Variants in STK3 observed in about 807,000 individuals in gnomAD.
STK3 encodes the protein serine/threonine-protein kinase 3.
Under a neutral mutation model 58.0 loss-of-function variants are expected in STK3, and 41 were observed. That is an observed-to-expected ratio of 0.71 (90% CI 0.55 to 0.92). STK3 has a LOEUF of 0.92. STK3 is among the 40% of genes least tolerant of loss of function. STK3 has a pLI of 0.00. For missense variants in STK3, 479 were observed against 602.7 expected (o/e 0.79, Z 2.15); for synonymous variants, 170 against 191.0 (o/e 0.89, Z 0.91).
At chr8:98,897,304 T>A (rs1234472221) in intron 1 of STK3, among the ~76,000 whole-genome samples, 1 of 152,200 alleles carries the variant, frequency 6.6e-6, no homozygotes, top group Non-Finnish European at 1.5e-5. Context: ...ACGCCTGTAA[T>A]CCTAGCACTT....
intron 1 of STK3, among the ~76,000 whole-genome samples, chr8:98,923,008 T>C (rs1839629939): frequency 6.6e-6 from 1 of 152,232 alleles, no homozygotes; most frequent in South Asian, 2.1e-4. Context: ...TCTGGCTGTT[T>C]GCTGACCTCA....
chr8:98,884,818 A>G (rs1191000755), intron 1 of STK3, among the ~76,000 whole-genome samples: 2 of 152,360 alleles, frequency 1.3e-5, no homozygotes, highest in East Asian at 3.9e-4. Context: ...GGTCACCATT[A>G]TATTCCCAGT....
intron 1 of STK3, among the ~76,000 whole-genome samples, chr8:98,810,451 TTAA>T (rs1564023375): frequency 6.6e-6 from 1 of 152,138 alleles, no homozygotes; most frequent in Non-Finnish European, 1.5e-5. Flanking sequence ...GTTTTTTTTT[TTAA>T]TAATAGTCAT....
intron 7 of STK3, among the ~76,000 whole-genome samples, chr8:98,586,034 A>G (rs1052604855): frequency 6.6e-6 from 1 of 152,186 alleles, no homozygotes; most frequent in Admixed American, 6.5e-5. Context: ...CAATCATGTC[A>G]TCAGCAGACA....
chr8:98,739,520 C>T (rs539850167), intron 4 of STK3, among the ~76,000 whole-genome samples: 1 of 149,594 alleles, frequency 6.7e-6, no homozygotes, highest in South Asian at 2.1e-4. Context: ...TCCAACACAC[C>T]TGCAGCTGAG....
intron 2 of STK3, among the ~76,000 whole-genome samples, chr8:98,434,714 AG>A (rs1818423109): frequency 1.3e-5 from 2 of 152,196 alleles, no homozygotes; most frequent in Non-Finnish European, 2.9e-5. Context: ...AAGAGATACA[AG>A]AGAAGGGGAG....
At chr8:98,820,244 AAAAT>A (rs1834802602) in intron 1 of STK3, among the ~76,000 whole-genome samples, 1 of 152,176 alleles carries the variant, frequency 6.6e-6, no homozygotes, top group Non-Finnish European at 1.5e-5. Context: ...CACACTATTA[AAAAT>A]AATAATAAAA....
chr8:98,398,269 A>G (rs888188127), downstream of STK3, among the ~76,000 whole-genome samples: 1 of 152,120 alleles, frequency 6.6e-6, no homozygotes, highest in Non-Finnish European at 1.5e-5. Flanking sequence ...TGACCCTCCC[A>G]TTCCTACCCA....
intron 1 of STK3, among the ~76,000 whole-genome samples, chr8:98,808,873 GA>G (rs1834043583): frequency 6.6e-6 from 1 of 152,176 alleles, no homozygotes; most frequent in Non-Finnish European, 1.5e-5. Context: ...GGTCACCCAA[GA>G]AATCAATCAT....
chr8:98,782,942 A>G (rs1487727542), intron 1 of STK3, among the ~76,000 whole-genome samples: 1 of 152,078 alleles, frequency 6.6e-6, no homozygotes, highest in East Asian at 1.9e-4. Context: ...TCCAAATTTT[A>G]TGTAAACCAT....
chr8:98,818,733 G>A (rs1834706750), intron 1 of STK3, among the ~76,000 whole-genome samples: 1 of 152,114 alleles, frequency 6.6e-6, no homozygotes, highest in African/African-American at 2.4e-5. Flanking sequence ...TTTGCTATGA[G>A]TCATTTTTCA....
At chr8:98,748,857 A>G (rs1030115283) in intron 4 of STK3, among the ~76,000 whole-genome samples, 6 of 151,970 alleles carry the variant, frequency 3.9e-5, no homozygotes, top group African/African-American at 1.4e-4. Context: ...TTAATTCAGA[A>G]GTATATAATT....
intron 6 of STK3, among the ~76,000 whole-genome samples, chr8:98,613,704 A>C (rs1057190533): frequency 4.6e-5 from 7 of 152,106 alleles, no homozygotes; most frequent in African/African-American, 1.7e-4. Flanking sequence ...CATATTAATA[A>C]TTACATTAAA....
downstream of STK3, among the ~76,000 whole-genome samples, chr8:98,451,898 A>C (rs1204053809): frequency 8.5e-6 from 1 of 118,208 alleles, no homozygotes; most frequent in Non-Finnish European, 2.0e-5. Flanking sequence ...AAAAAAAAAA[A>C]CAAAAAAAAA....
chr8:98,352,203 G>A, the STK3 span, among the ~76,000 whole-genome samples: 23 of 150,492 alleles, frequency 1.5e-4, no homozygotes, highest in Middle Eastern at 7.0e-3. Context: ...AAATTGTAGA[G>A]AATCCCATAA....
intron 10 of STK3, among the ~76,000 whole-genome samples, chr8:98,505,844 A>AC (rs989172419): frequency 1.3e-5 from 2 of 152,208 alleles, no homozygotes; most frequent in African/African-American, 2.4e-5. Flanking sequence ...GTTAGGCTAC[A>AC]CAGGGGTCAG....
intron 3 of STK3, among the ~76,000 whole-genome samples, chr8:98,851,581 T>A (rs1001877910): frequency 1.5e-4 from 23 of 152,006 alleles, no homozygotes; most frequent in African/African-American, 4.8e-4. Context: ...AAAAATCCAT[T>A]TTTAGAGTGA....
intron 1 of STK3, among the ~76,000 whole-genome samples, chr8:98,781,496 T>C (rs1205529482): frequency 1.3e-5 from 2 of 152,070 alleles, no homozygotes; most frequent in African/African-American, 4.8e-5. Context: ...ACAAGGCAAT[T>C]TATCACAAAA....
At chr8:98,633,705 T>C (rs1027671435) in intron 6 of STK3, 53 of 681,366 alleles carry the variant, frequency 7.8e-5, no homozygotes, top group Admixed American at 1.9e-4. Flanking sequence ...CAAATCTAAG[T>C]GACAGACATC....
Sources: gnomAD v4.1 joint callset for allele counts (sites outside exome capture counted in the v4.1 genomes callset) on GRCh38, gnomAD v4.1.1 for gene constraint, MANE v1.5 for transcripts, NCBI Gene and HGNC (gene_info 2026-07-23, HGNC 2026-07-21) for gene names.